MCF2L: variants seen among roughly 807,000 people sequenced by gnomAD.
MCF2L encodes MCF.2 cell line derived transforming sequence like.
A neutral mutation model predicts 153.4 loss-of-function variants in MCF2L; 97 were observed. The ratio of observed to expected loss-of-function variants is 0.63; its 90% CI spans 0.54 to 0.75. The LOEUF is 0.75. Among genes scored for constraint, MCF2L ranks in the 30% least tolerant of loss-of-function variants. The pLI, the probability that MCF2L is intolerant of heterozygous loss-of-function variation, is 0.00. For synonymous variants in MCF2L, 659 were observed against 632.2 expected (o/e 1.04, Z -0.64); for missense variants, 1,347 against 1,495.2 (o/e 0.90, Z 1.64).
At chr13:113,076,327 C>T (rs957746106) in intron 12 of MCF2L, among the ~76,000 whole-genome samples, 170 bp downstream of exon 12, 6 of 152,016 alleles carry the variant, frequency 3.9e-5, no homozygotes, top group Non-Finnish European at 5.9e-5. Context: ...TGCAGTGGCA[C>T]GATCTTAGCT....
intron 2 of MCF2L, among the ~76,000 whole-genome samples, chr13:112,934,555 A>ATGCTGCTGCTGCTGCTGCTGCTGCTGC (rs61222550): frequency 0.045 from 6,628 of 147,396 alleles, 213 homozygotes; most frequent in African/African-American, 0.05. Flanking sequence ...TTTCCAGGGG[A>ATGCTGCTGCTGCTGCTGCTGCTGCTGC]TGCTGCTGCT....
At chr13:112,985,491 C>T (rs1482447298) in intron 1 of MCF2L, 2 of 470,648 alleles carry the variant, frequency 4.2e-6, no homozygotes, top group Admixed American at 2.4e-5. Flanking sequence ...TGAGTCTCCT[C>T]GTCCCCTGTG....
intron 1 of MCF2L, among the ~76,000 whole-genome samples, chr13:112,896,273 C>T (rs1398560768): frequency 2.0e-5 from 3 of 152,166 alleles, no homozygotes; most frequent in Non-Finnish European, 4.4e-5. Flanking sequence ...TCTTCACCGC[C>T]CCCCCGAGGC....
intron 8 of MCF2L, among the ~76,000 whole-genome samples, chr13:113,067,256 A>C (rs1238447644): frequency 6.6e-5 from 10 of 150,844 alleles, no homozygotes; most frequent in Non-Finnish European, 8.9e-5. Context: ...GGTGGTGCAC[A>C]GCTGGAGTCC....
intron 1 of MCF2L, among the ~76,000 whole-genome samples, chr13:113,013,813 C>A (rs180724926): frequency 7.6e-4 from 116 of 152,334 alleles, no homozygotes; most frequent in African/African-American, 2.5e-3. Context: ...TGGTCAGTGT[C>A]CCCCAGGCAC....
In MCF2L at chr13:113,045,510, C is replaced by T; in HGVS notation, c.369+149C>T. The T allele has an allele frequency of 1.5e-6, 1 of 682,808 alleles. No individual in the cohort carries two copies. The highest frequency in any genetic ancestry group is 2.5e-6 in the Non-Finnish European group (1 of 395,094). 42.3% of individuals were successfully genotyped at this position (682,808 alleles called of 1,614,324 possible). A position where few individuals can be genotyped will look rare whatever the true frequency, so the allele number is the denominator to read the frequency against. ...CGGCGGGTGGAGGCCGGCGCCAAGGCCCCCCCTGCTTGGGCTCCCAAGGCA... is the reference window on the plus strand; with the variant it reads ...CGGCGGGTGGAGGCCGGCGCCAAGGTCCCCCCTGCTTGGGCTCCCAAGGCA... On this transcript the variant is annotated intron_variant, in intron 4 of 29. Transcript: ENST00000535094. This position sits in a 1 kb window ranked among gnomAD's most constrained non-coding sequence, Gnocchi z 4.2.
intron 4 of MCF2L, among the ~76,000 whole-genome samples, chr13:113,056,666 TGTGTGGGTGCG>T: frequency 6.7e-6 from 1 of 148,502 alleles, no homozygotes. Flanking sequence ...GGTTGGGTGC[TGTGTGGGTGCG>T]GAGTGTTTGG....
At chr13:113,060,833 C>G in intron 5 of MCF2L, 121 bp downstream of exon 5, 3 of 1,372,470 alleles carry the variant, frequency 2.2e-6, no homozygotes, top group Non-Finnish European at 2.0e-6. Context: ...AACAAAACCC[C>G]GCAGGACCTG....
rs2081960168 is a variant in MCF2L, at chr13:112,969,232, A to G, written c.-148A>G. 1.5e-6 allele frequency: 2 copies of G among 1,329,508 alleles called. No homozygotes were observed. Among genetic ancestry groups the G allele is most frequent in the Non-Finnish European group, 1.9e-6 (2 of 1,031,164 alleles). 82.4% of individuals were successfully genotyped at this position (1,329,508 alleles called of 1,614,324 possible). On this transcript the variant is annotated 5_prime_UTR_variant, in exon 1 of 30. Coordinates refer to ENST00000535094, the MANE Select transcript of MCF2L (RefSeq NM_001112732.3). This position sits in a 1 kb window ranked among gnomAD's most constrained non-coding sequence, Gnocchi z 4.8. ...CGGTGGCGCGGAACCAATCCTGGGC[A>G]GGGAGGCGGCGGCTGGAGGCTGAAA... is the stretch of plus-strand genomic sequence containing the variant.
At position 113,031,199 on chromosome 13, in the gene MCF2L, GACAGAC is replaced by G. The variant is rs1441789173; in HGVS notation, c.278+6443_278+6448del. Among the ~76,000 whole-genome samples the G allele has an allele frequency of 3.7e-3, 541 of 147,694 alleles. 2 individuals are homozygous for G. Among genetic ancestry groups the G allele is most frequent in the African/African-American group, 0.013 (507 of 38,720 alleles). ...TGACAGACAGAGACAGAGAGACAGAGACAGACAGAGACAGAGACAGAGAGAGACAGA... is the reference window on the plus strand; with the variant it reads ...TGACAGACAGAGACAGAGAGACAGAGAGAGACAGAGACAGAGAGAGACAGA... On this transcript the variant is annotated intron_variant, in intron 3 of 29. Coordinates refer to ENST00000535094, the MANE Select transcript of MCF2L (RefSeq NM_001112732.3). This position sits in a 1 kb window ranked among gnomAD's most constrained non-coding sequence, Gnocchi z 5.5.
chr13:113,090,489 C>T (rs1245182157), intron 26 of MCF2L: 3 of 972,812 alleles, frequency 3.1e-6, no homozygotes, highest in Non-Finnish European at 3.6e-6. Context: ...CTGCAGGGTG[C>T]TGACCTTGCT....
chr13:112,950,711 T>C (rs1208272008), intron 2 of MCF2L, among the ~76,000 whole-genome samples: 3 of 152,212 alleles, frequency 2.0e-5, no homozygotes. Context: ...TTTTACACCT[T>C]ATATTAGAAT....
At chr13:112,982,877 A>T (rs115986464) in intron 1 of MCF2L, among the ~76,000 whole-genome samples, 1 of 151,768 alleles carries the variant, frequency 6.6e-6, no homozygotes, top group African/African-American at 2.4e-5. Flanking sequence ...AAGGGCGAGG[A>T]TGGAAGCTTG....
chr13:113,023,474 G>C (rs2085031890), intron 2 of MCF2L, among the ~76,000 whole-genome samples: 1 of 152,176 alleles, frequency 6.6e-6, no homozygotes, highest in East Asian at 1.9e-4. Context: ...GGAAGCTGGA[G>C]ACAGTGGCTG....
intron 4 of MCF2L, among the ~76,000 whole-genome samples, chr13:113,050,744 CGG>C (rs1212446724): frequency 5.8e-4 from 2 of 3,454 alleles, no homozygotes; most frequent in African/African-American, 2.8e-3. Flanking sequence ...GCGGGGGGAG[CGG>C]GGGGGTGCGG....
At chr13:112,915,481 A>T (rs1594318756) in intron 2 of MCF2L, among the ~76,000 whole-genome samples, 1 of 150,424 alleles carries the variant, frequency 6.6e-6, no homozygotes, top group East Asian at 2.0e-4. Flanking sequence ...TTGAATTTTC[A>T]TACATATTTG....
rs1428299820 is a variant in MCF2L at position 113,094,379 on chromosome 13, G to A, written c.2954-135G>A. 11 of 868,176 alleles carry A rather than the reference G, an allele frequency of 1.3e-5. No individual in the cohort carries two copies. The Admixed American group carries it at 2.9e-4, about 23-fold the overall frequency. 53.8% of individuals were successfully genotyped at this position (868,176 alleles called of 1,614,324 possible). On this transcript the variant is annotated intron_variant, in intron 26 of 29. Transcript: ENST00000535094. ...CCTGCTCAGCTCTTTATGAACCCGG[G>A]AAGATGACAGGCTCTGTTGGGGGCC...
At chr13:112,920,303 G>A (rs1224838676) in intron 2 of MCF2L, among the ~76,000 whole-genome samples, 1 of 152,160 alleles carries the variant, frequency 6.6e-6, no homozygotes, top group African/African-American at 2.4e-5. Flanking sequence ...TGTAGTTGGT[G>A]CAAAATGCAG....
Position 113,096,627 on chromosome 13 carries a change from G to C in MCF2L, c.3266G>C (p.Gly1089Ala). 1.9e-6 allele frequency: 3 copies of C among 1,592,526 alleles called. No homozygotes were observed. The highest frequency in any genetic ancestry group is 2.2e-5 in the South Asian group (2 of 89,200). Reference protein sequence around the residue: ...SSLSVRLGPSGSAQCLSSSES... With the variant: ...SSLSVRLGPSASAQCLSSSES... ...CTGTCCGTCCGGCTCGGCCCGTCCG[G>C]CTCGGCCCAGTGCCTGAGCAGCTCA... The change falls in exon 29 of 30, where the codon GGC (glycine) becomes GCC (alanine). Residue 1089 changes from glycine to alanine, a missense_variant. Physicochemically the swap from Gly to Ala is moderately conservative, Grantham distance 60 (BLOSUM62 0). This residue lies in a region of MCF2L where 383 missense variants were observed against 335.4 expected (regional missense o/e 1.14). Transcript: ENST00000535094.
Sources: allele counts gnomAD v4.1 joint callset (sites outside exome capture counted in the v4.1 genomes callset), GRCh38; gene constraint gnomAD v4.1.1; regional missense constraint gnomAD v4.1.1; non-coding constraint Gnocchi (gnomAD v3.1); transcripts MANE v1.5; gene names NCBI Gene and HGNC (gene_info 2026-07-23, HGNC 2026-07-21).